WDR48: variants seen among roughly 807,000 people sequenced by gnomAD.
The protein encoded by WDR48 is WD repeat domain 48.
In WDR48, 22 loss-of-function variants were observed where a neutral mutation model predicts 94.0. The observed-to-expected ratio is 0.23, with a 90% confidence interval of 0.17 to 0.33. WDR48 has a LOEUF of 0.33. WDR48 is among the 10% of genes least tolerant of loss of function. WDR48 has a pLI of 1.00. For synonymous variants in WDR48, 278 were observed against 280.5 expected, an observed-to-expected ratio of 0.99 and a Z score of 0.09; for missense variants, 541 against 813.8, an observed-to-expected ratio of 0.66 and a Z score of 4.08.
At chr3:39,057,633 TA>T (rs1434319280) in intron 1 of WDR48, among the ~76,000 whole-genome samples, 1 of 152,202 alleles carries the variant, frequency 6.6e-6, no homozygotes, top group African/African-American at 2.4e-5. Flanking sequence ...TTTTTATTTT[TA>T]TTTTTTTGAG....
At position 39,082,289 on chromosome 3, in the gene WDR48, C is replaced by CT. The variant is rs1473806792; in HGVS notation, c.1174-1856dup. Among the ~76,000 whole-genome samples the CT allele has an allele frequency of 2.5e-3, 360 of 145,408 alleles. 2 individuals are homozygous for CT. The highest frequency in any genetic ancestry group is 7.6e-3 in the African/African-American group (300 of 39,528). On this transcript the variant is annotated intron_variant, in intron 11 of 18. Coordinates refer to ENST00000302313, the MANE Select transcript of WDR48 (RefSeq NM_020839.4). Reference sequence around the variant, plus strand: ...GAACAAGAGTGATACTTTTTTTTTTCTTTTTTTTTTGATACGGAGTCTCAT... The same window carrying CT: ...GAACAAGAGTGATACTTTTTTTTTTCTTTTTTTTTTTGATACGGAGTCTCAT...
intron 18 of WDR48, 90 bp from the exon 19 acceptor site, chr3:39,094,558 C>T (rs2035243628): frequency 6.4e-7 from 1 of 1,566,504 alleles, no homozygotes; most frequent in Admixed American, 1.8e-5. Context: ...AGTGAGCAAG[C>T]TGGATCACCT....
intron 17 of WDR48, among the ~76,000 whole-genome samples, chr3:39,091,929 T>G (rs1456981898): frequency 6.6e-6 from 1 of 152,158 alleles, no homozygotes; most frequent in Non-Finnish European, 1.5e-5. Context: ...CCCAACACTT[T>G]GGGAGGGTGA....
chr3:39,085,678 AG>A (rs1356203444), intron 14 of WDR48, 68 bp downstream of exon 14: 14 of 1,343,704 alleles, frequency 1.0e-5, no homozygotes, highest in Non-Finnish European at 1.5e-5. Context: ...ACTTACTAAA[AG>A]GTACTTACTT....
At chr3:39,056,197 AT>A (rs1045628120) in intron 1 of WDR48, among the ~76,000 whole-genome samples, 2 of 152,024 alleles carry the variant, frequency 1.3e-5, no homozygotes, top group African/African-American at 4.8e-5. Context: ...TATTGCTTTG[AT>A]TTTTTTTCCA....
At chr3:39,071,889 A>G (rs183481886) in intron 7 of WDR48, among the ~76,000 whole-genome samples, 1 of 152,362 alleles carries the variant, frequency 6.6e-6, no homozygotes, top group Non-Finnish European at 1.5e-5. Context: ...TGAATTGACC[A>G]ACAAAAAACT....
rs903709590 is a variant in WDR48 at position 39,068,713 on chromosome 3, A to C, written c.482-58A>C. On this transcript the variant is annotated intron_variant, in intron 5 of 18. Coordinates refer to ENST00000302313, the MANE Select transcript of WDR48 (RefSeq NM_020839.4). Reference sequence around the variant, plus strand: ...TTGAATAAACTTGCAGTTTTTGCTGACTAGTTACTAAACAGCTGATGATCT... The same window carrying C: ...TTGAATAAACTTGCAGTTTTTGCTGCCTAGTTACTAAACAGCTGATGATCT... 71 of 1,292,374 alleles carry C rather than the reference A, an allele frequency of 5.5e-5. No homozygotes were observed. The African/African-American group carries it at 9.8e-4, about 18-fold the overall frequency. 80.1% of individuals were successfully genotyped at this position (1,292,374 alleles called of 1,614,324 possible).
chr3:39,067,963 A>G (rs1027315917), intron 5 of WDR48, among the ~76,000 whole-genome samples: 1 of 152,066 alleles, frequency 6.6e-6, no homozygotes, highest in African/African-American at 2.4e-5. Flanking sequence ...CCTGCCTCAA[A>G]GAGACACTAA....
intron 2 of WDR48, among the ~76,000 whole-genome samples, chr3:39,063,535 C>T (rs970444538): frequency 3.3e-5 from 5 of 151,928 alleles, no homozygotes; most frequent in African/African-American, 1.2e-4. Context: ...GGTAACCTTA[C>T]TAAAAAAAGA....
rs542063375 is a variant in WDR48 at position 39,074,073 on chromosome 3, G to A, written c.673-653G>A. Reference sequence around the variant, plus strand: ...GACCCAATAATTTATATTTTAACAAGTTCCCAGGGGACGCTGATGCTGCTG... The same window carrying A: ...GACCCAATAATTTATATTTTAACAAATTCCCAGGGGACGCTGATGCTGCTG... On this transcript the variant is annotated intron_variant, in intron 7 of 18. Transcript: ENST00000302313. 4.6e-5 allele frequency among the ~76,000 whole-genome samples: 7 copies of A among 152,286 alleles called. No homozygotes were observed. In the South Asian group the frequency reaches 1.5e-3, roughly 32 times the overall value.
At chr3:39,054,969 C>T (rs2032768426) in intron 1 of WDR48, among the ~76,000 whole-genome samples, 1 of 152,200 alleles carries the variant, frequency 6.6e-6, no homozygotes, top group Non-Finnish European at 1.5e-5. Context: ...CATGGGATAT[C>T]TTTTAGTTTG....
At position 39,071,513 on chromosome 3, in the gene WDR48, G is replaced by T. The variant is rs191230580; in HGVS notation, c.672+1769G>T. Among the ~76,000 whole-genome samples the T allele has an allele frequency of 5.9e-5, 9 of 152,250 alleles. No individual in the cohort carries two copies. The East Asian group carries it at 1.5e-3, about 26-fold the overall frequency. ...TGGCAGACCTTCTAAAGCTCTACCT[G>T]TCTGCTCCATCTCTTGTTTCCTATC... On this transcript the variant is annotated intron_variant, in intron 7 of 18. Coordinates refer to ENST00000302313, the MANE Select transcript of WDR48 (RefSeq NM_020839.4).
rs1189591562 is a variant in WDR48 at position 39,069,524 on chromosome 3, C to G, written c.571-119C>G. Reference sequence around the variant, plus strand: ...GGGAGGCTTAGACAGTGTCCATTGGCAGAAGTGGTATTGCCTTCTCAGAAT... The same window carrying G: ...GGGAGGCTTAGACAGTGTCCATTGGGAGAAGTGGTATTGCCTTCTCAGAAT... On this transcript the variant is annotated intron_variant, in intron 6 of 18. Transcript: ENST00000302313. 4.8e-6 allele frequency: 4 copies of G among 839,188 alleles called. No individual in the cohort carries two copies. In the African/African-American group the frequency reaches 7.0e-5, roughly 15 times the overall value. The allele number at this position is 839,188 out of a possible 1,614,324, so 52.0% of individuals were successfully genotyped here. A position where few individuals can be genotyped will look rare whatever the true frequency, so the allele number is the denominator to read the frequency against.
chr3:39,082,580 A>G (rs570825124), intron 11 of WDR48, among the ~76,000 whole-genome samples: 1 of 152,198 alleles, frequency 6.6e-6, no homozygotes, highest in East Asian at 1.9e-4. Context: ...GTGCCTGCCC[A>G]CAGGAGTGAT....
At chr3:39,062,950 A>G in intron 1 of WDR48, 100 bp from the exon 2 acceptor site, 12 of 1,450,536 alleles carry the variant, frequency 8.3e-6, no homozygotes, top group Non-Finnish European at 1.1e-5. Context: ...ACATATTGGA[A>G]AACATGGGAT....
intron 15 of WDR48, 109 bp downstream of exon 15, chr3:39,088,342 C>A: frequency 1.8e-6 from 2 of 1,093,364 alleles, no homozygotes; most frequent in South Asian, 1.5e-5. Context: ...TTATTAAATT[C>A]TAGGGATGCC....
chr3:39,086,442 G>A (rs2034813283), intron 14 of WDR48: 1 of 152,210 alleles, frequency 6.6e-6, no homozygotes, highest in African/African-American at 2.4e-5. Flanking sequence ...ATAATGATAT[G>A]TGGAATTTAA....
Position 39,088,229 on chromosome 3 carries a change from T to C in WDR48, c.1576T>C (p.Phe526Leu). The change falls in exon 15 of 19, where the codon TTC becomes CTC. Residue 526 changes from phenylalanine (F) to leucine (L), a missense_variant. Physicochemically the swap from Phe to Leu is conservative, Grantham distance 22. This residue lies in a region of WDR48 where 109 missense variants were observed against 195.5 expected (regional missense o/e 0.56). Transcript: ENST00000302313. ...IFGEAGGRTLFRLLCRDSGGE... is the reference protein window; with the variant it reads ...IFGEAGGRTLLRLLCRDSGGE... ...TGGTGAAGCTGGAGGTCGCACACTG[T>C]TCAGGTATGGGTAAGAAAGACAAGA... is the stretch of plus-strand genomic sequence containing the variant. 1 of 1,614,138 alleles carries C rather than the reference T, an allele frequency of 6.2e-7. No individual in the cohort carries two copies. Among genetic ancestry groups the C allele is most frequent in the Non-Finnish European group, 8.5e-7 (1 of 1,180,008 alleles).
chr3:39,070,864 G>C (rs1217827621), intron 7 of WDR48, among the ~76,000 whole-genome samples: 1 of 152,008 alleles, frequency 6.6e-6, no homozygotes, highest in East Asian at 1.9e-4. Flanking sequence ...CCCAGAGTGT[G>C]ATGTTCCCCT....
Sources: gnomAD v4.1 joint callset for allele counts (sites outside exome capture counted in the v4.1 genomes callset) on GRCh38, gnomAD v4.1.1 for gene constraint, gnomAD v4.1.1 regional missense constraint, MANE v1.5 for transcripts, NCBI Gene and HGNC (gene_info 2026-07-23, HGNC 2026-07-21) for gene names.